Variants in KCNQ1 observed in about 807,000 individuals in gnomAD.
The protein encoded by KCNQ1 is potassium voltage-gated channel subfamily Q member 1, also known as potassium voltage-gated channel subfamily KQT member 1.
KCNQ1 carries 49 observed loss-of-function variants against 72.4 expected under a neutral mutation model. The ratio of observed to expected loss-of-function variants is 0.68; its 90% CI spans 0.54 to 0.86. The LOEUF is 0.86. KCNQ1 is among the 40% of genes least tolerant of loss of function. KCNQ1 has a pLI of 0.00. For synonymous variants in KCNQ1, 450 were observed against 412.6 expected (o/e 1.09, Z -1.10); for missense variants, 790 against 945.1 (o/e 0.84, Z 2.15).
rs546613271 is a variant in KCNQ1, at chr11:2,517,080, G to A, written c.387-10848G>A. 5.5e-4 allele frequency among the ~76,000 whole-genome samples: 84 copies of A among 152,320 alleles called. 3 individuals are homozygous for A. The South Asian group carries it at 0.015, about 27-fold the overall frequency. On this transcript the variant is annotated intron_variant, in intron 1 of 15. Transcript: ENST00000155840. ...GATCAGGGCCCAGGCTCCACGCTCC[G>A]CACTGAGGTGTGGTCGAGGGCCCTG...
Position 2,768,753 on chromosome 11 carries a change from G to C in KCNQ1, c.1515-91G>C. ...CTCTCCTTGTTTCTGGAAGGATCCAGTCTGCGTGCTCCTCAGGCAGTGCAG... is the reference window on the plus strand; with the variant it reads ...CTCTCCTTGTTTCTGGAAGGATCCACTCTGCGTGCTCCTCAGGCAGTGCAG... On this transcript the variant is annotated intron_variant, in intron 11 of 15. Transcript: ENST00000155840. The surrounding 1 kb of genome is among the most constrained non-coding windows in gnomAD (Gnocchi z 6.7). 1.0e-6 allele frequency: 1 copy of C among 954,866 alleles called. No individual in the cohort carries two copies. The highest frequency in any genetic ancestry group is 1.3e-5 in the South Asian group (1 of 76,850). The allele number at this position is 954,866 out of a possible 1,614,324, so 59.1% of individuals were successfully genotyped here.
chr11:2,731,324 C>CAAAT (rs1845855148), intron 11 of KCNQ1, among the ~76,000 whole-genome samples: 1 of 152,334 alleles, frequency 6.6e-6, no homozygotes, highest in Admixed American at 6.5e-5. Flanking sequence ...GAACAATGCC[C>CAAAT]AAATGCCCTC....
intron 6 of KCNQ1, among the ~76,000 whole-genome samples, chr11:2,582,317 A>G (rs1045391786): frequency 7.2e-5 from 11 of 152,266 alleles, no homozygotes; most frequent in Admixed American, 5.9e-4. Flanking sequence ...TGGAAACCAC[A>G]GGGTGGCCCA....
At chr11:2,527,829 C>A in intron 1 of KCNQ1, 99 bp from the exon 2 acceptor site, 1 of 989,584 alleles carries the variant, frequency 1.0e-6, no homozygotes, top group Non-Finnish European at 1.6e-6. Flanking sequence ...CTGTTCCTAC[C>A]TGGGGGCGGG....
rs1225569272 is a variant in KCNQ1, at chr11:2,603,262, G to A, written c.1393+14408G>A. ...ATAGCCCCATGTCTAAGAAAACAATGTGCCTACCTTAATTGAAAGACACTT... is the reference window on the plus strand; with the variant it reads ...ATAGCCCCATGTCTAAGAAAACAATATGCCTACCTTAATTGAAAGACACTT... On this transcript the variant is annotated intron_variant, in intron 10 of 15. Transcript: ENST00000155840. This position sits in a 1 kb window ranked among gnomAD's most constrained non-coding sequence, Gnocchi z 4.1. 1.3e-5 allele frequency among the ~76,000 whole-genome samples: 2 copies of A among 152,168 alleles called. No homozygotes were observed. Among genetic ancestry groups the A allele is most frequent in the Non-Finnish European group, 2.9e-5 (2 of 68,028 alleles).
At chr11:2,655,283 T>C in intron 10 of KCNQ1, 1 of 398,636 alleles carries the variant, frequency 2.5e-6, no homozygotes, top group Non-Finnish European at 4.4e-6. Flanking sequence ...AATTGTTTTG[T>C]TCTGCCCTGA....
In KCNQ1 at chr11:2,613,904, A is replaced by T. The variant is rs1849019100; in HGVS notation, c.1393+25050A>T. On this transcript the variant is annotated intron_variant, in intron 10 of 15. Transcript: ENST00000155840. This position sits in a 1 kb window ranked among gnomAD's most constrained non-coding sequence, Gnocchi z 4.8. ...TGATTATTTTCTCATTTCCCAAAAA[A>T]GTACTATTCTGTATATGCCCTTTTG... is the stretch of plus-strand genomic sequence containing the variant. The T allele has an allele frequency of 1.8e-5, 7 of 398,482 alleles. No individual in the cohort carries two copies. In the Admixed American group the frequency reaches 2.6e-4, roughly 15 times the overall value. The allele number at this position is 398,482 out of a possible 1,614,324, so 24.7% of individuals were successfully genotyped here.
In KCNQ1 at chr11:2,659,117, A is replaced by T; in HGVS notation, c.1394-2844A>T. On this transcript the variant is annotated intron_variant, in intron 10 of 15. Transcript: ENST00000155840. This position sits in a 1 kb window ranked among gnomAD's most constrained non-coding sequence, Gnocchi z 4.3. Reference sequence around the variant, plus strand: ...CCTCCAACATCCGGGTTAATTTTTTAAATTTGCATACAGTAAAATCCACTC... The same window carrying T: ...CCTCCAACATCCGGGTTAATTTTTTTAATTTGCATACAGTAAAATCCACTC... 2.5e-6 allele frequency: 1 copy of T among 398,626 alleles called. No homozygotes were observed. Among genetic ancestry groups the T allele is most frequent in the Non-Finnish European group, 4.4e-6 (1 of 226,064 alleles). 24.7% of individuals were successfully genotyped at this position (398,626 alleles called of 1,614,324 possible).
rs982023419 is a variant in KCNQ1, at chr11:2,724,660, G to A, written c.1515-44184G>A. ...AAGCCTTGCCCTTCCCTCTCACTTC[G>A]CTCCCCAGGAGGCGACACTGTGATT... is the stretch of plus-strand genomic sequence containing the variant. On this transcript the variant is annotated intron_variant, in intron 11 of 15. Coordinates refer to ENST00000155840, the MANE Select transcript of KCNQ1 (RefSeq NM_000218.3). This position sits in a 1 kb window ranked among gnomAD's most constrained non-coding sequence, Gnocchi z 6.8. 1.3e-5 allele frequency among the ~76,000 whole-genome samples: 2 copies of A among 152,144 alleles called. No homozygotes were observed. Among genetic ancestry groups the A allele is most frequent in the Non-Finnish European group, 2.9e-5 (2 of 68,022 alleles).
Position 2,608,139 on chromosome 11 carries a change from A to G in KCNQ1, c.1393+19285A>G, listed in dbSNP as rs568686095. The stretch of plus-strand genomic sequence containing the variant: ...GGGTGATACTGGACTGAAAGAATGT[A>G]TTGGAAAAATTTTCCTTCTCTTCTA... On this transcript the variant is annotated intron_variant, in intron 10 of 15. Coordinates refer to ENST00000155840, the MANE Select transcript of KCNQ1 (RefSeq NM_000218.3). The surrounding 1 kb of genome is among the most constrained non-coding windows in gnomAD (Gnocchi z 4.6). Among the ~76,000 whole-genome samples the G allele has an allele frequency of 3.3e-5, 5 of 152,318 alleles. No individual in the cohort carries two copies. In the South Asian group the frequency reaches 8.3e-4, roughly 25 times the overall value.
In KCNQ1 at chr11:2,584,524, A is replaced by AGT. The variant is rs377530797; in HGVS notation, c.1033-679_1033-678dup. 1.1e-4 allele frequency among the ~76,000 whole-genome samples: 14 copies of AGT among 128,494 alleles called. No individual in the cohort carries two copies. In the East Asian group the frequency reaches 2.2e-3, roughly 20 times the overall value. The allele number at this position is 128,494 out of a possible 152,430, so 84.3% of individuals were successfully genotyped here. A position where few individuals can be genotyped will look rare whatever the true frequency, so the allele number is the denominator to read the frequency against. ...GGGTTAGTGTGTGTGTTTGTGTGTT[A>AGT]GTGTGTGTGTTAGTATGTGTTTGTG... is the stretch of plus-strand genomic sequence containing the variant. On this transcript the variant is annotated intron_variant, in intron 7 of 15. Transcript: ENST00000155840.
intron 15 of KCNQ1, among the ~76,000 whole-genome samples, chr11:2,836,018 G>A (rs1848060609): frequency 1.3e-5 from 2 of 152,244 alleles, no homozygotes; most frequent in Admixed American, 1.3e-4. Context: ...AAAGGCCACG[G>A]GGAAAGGGAC....
intron 1 of KCNQ1, among the ~76,000 whole-genome samples, chr11:2,454,129 A>G (rs555348211): frequency 3.8e-4 from 58 of 152,184 alleles, no homozygotes; most frequent in African/African-American, 1.4e-3. Context: ...GCTATTCTTC[A>G]TCTGATAAAG....
chr11:2,617,622 C>G lies in KCNQ1; in HGVS notation c.1393+28768C>G. ...TCAGATGATAGTATATTTTCAATTT[C>G]TTTAGGAGCCACCATTCTGTTTTTC... is the stretch of plus-strand genomic sequence containing the variant. On this transcript the variant is annotated intron_variant, in intron 10 of 15. Coordinates refer to ENST00000155840, the MANE Select transcript of KCNQ1 (RefSeq NM_000218.3). The surrounding 1 kb of genome is among the most constrained non-coding windows in gnomAD (Gnocchi z 4.6). 1 of 398,360 alleles carries G rather than the reference C, an allele frequency of 2.5e-6. No homozygotes were observed. Among genetic ancestry groups the G allele is most frequent in the Non-Finnish European group, 4.4e-6 (1 of 225,934 alleles). 24.7% of individuals were successfully genotyped at this position (398,360 alleles called of 1,614,324 possible). A position where few individuals can be genotyped will look rare whatever the true frequency, so the allele number is the denominator to read the frequency against.
chr11:2,466,429 C>G lies in KCNQ1; in HGVS notation c.386+20945C>G, dbSNP rs944651809. 5.9e-5 allele frequency among the ~76,000 whole-genome samples: 9 copies of G among 152,290 alleles called. No individual in the cohort carries two copies. In the South Asian group the frequency reaches 1.4e-3, roughly 25 times the overall value. ...TTTGAGGGAACACAGTGCTGGGGGTCCCCTCCTGGGCCTGGGGCTGTGGTT... is the reference window on the plus strand; with the variant it reads ...TTTGAGGGAACACAGTGCTGGGGGTGCCCTCCTGGGCCTGGGGCTGTGGTT... On this transcript the variant is annotated intron_variant, in intron 1 of 15. Transcript: ENST00000155840.
chr11:2,508,711 C>T lies in KCNQ1; in HGVS notation c.387-19217C>T, dbSNP rs1424677780. Among the ~76,000 whole-genome samples the T allele has an allele frequency of 6.6e-6, 1 of 152,208 alleles. No homozygotes were observed. Among genetic ancestry groups the T allele is most frequent in the Non-Finnish European group, 1.5e-5 (1 of 68,032 alleles). ...AATCCTTGAAGATGGCAGTGACCAC[C>T]TGGCTTCCTCTATAGAAACTCCCCG... On this transcript the variant is annotated intron_variant, in intron 1 of 15. Transcript: ENST00000155840. The surrounding 1 kb of genome is among the most constrained non-coding windows in gnomAD (Gnocchi z 6.2).
At chr11:2,474,094 G>GT (rs139408559) in intron 1 of KCNQ1, among the ~76,000 whole-genome samples, 2,397 of 152,278 alleles carry the variant, frequency 0.016, 53 homozygotes, top group East Asian at 0.044. Flanking sequence ...GTGTGGAGTG[G>GT]TTTTTTGTCT....
Position 2,767,940 on chromosome 11 carries a change from C to G in KCNQ1, c.1515-904C>G, listed in dbSNP as rs768895173. ...TTTTTATCACTAGCCCACTGGGCCC[C>G]CACCCTGTTGGGTGTCAGTGCTCCC... On this transcript the variant is annotated intron_variant, in intron 11 of 15. Coordinates refer to ENST00000155840, the MANE Select transcript of KCNQ1 (RefSeq NM_000218.3). This position sits in a 1 kb window ranked among gnomAD's most constrained non-coding sequence, Gnocchi z 4.6. 6.6e-6 allele frequency among the ~76,000 whole-genome samples: 1 copy of G among 152,230 alleles called. No homozygotes were observed. Among genetic ancestry groups the G allele is most frequent in the Admixed American group, 6.5e-5 (1 of 15,290 alleles).
rs1333780146 is a variant in KCNQ1 at position 2,484,996 on chromosome 11, C to G, written c.386+39512C>G. Among the ~76,000 whole-genome samples the G allele has an allele frequency of 6.6e-6, 1 of 152,188 alleles. No homozygotes were observed. Among genetic ancestry groups the G allele is most frequent in the African/African-American group, 2.4e-5 (1 of 41,454 alleles). On this transcript the variant is annotated intron_variant, in intron 1 of 15. Transcript: ENST00000155840. This position sits in a 1 kb window ranked among gnomAD's most constrained non-coding sequence, Gnocchi z 5.2. ...GGCTCCATACTTGCTGATGCGTGCC[C>G]CCATGAGAAGTGACTGACCACCCAG...
Sources: allele counts gnomAD v4.1 joint callset (sites outside exome capture counted in the v4.1 genomes callset), GRCh38; gene constraint gnomAD v4.1.1; non-coding constraint Gnocchi (gnomAD v3.1); transcripts MANE v1.5; gene names NCBI Gene and HGNC (gene_info 2026-07-23, HGNC 2026-07-21).